ADRA1B: variants seen among roughly 807,000 people sequenced by gnomAD.
The protein encoded by ADRA1B is alpha-1B adrenergic receptor.
Under a neutral mutation model 17.9 loss-of-function variants are expected in ADRA1B, and 17 were observed. The observed-to-expected ratio is 0.95, with a 90% confidence interval of 0.65 to 1.42. The LOEUF (loss-of-function observed/expected upper bound fraction) is 1.42. Among genes scored for constraint, ADRA1B ranks in the 40% most tolerant of loss-of-function variants. The pLI is 0.00. For missense variants in ADRA1B, 681 were observed against 722.1 expected, an observed-to-expected ratio of 0.94 and a Z score of 0.65; for synonymous variants, 366 against 327.6, an observed-to-expected ratio of 1.12 and a Z score of -1.27.
At position 159,916,964 on chromosome 5, in the gene ADRA1B, T is replaced by G. The variant is rs558975941; in HGVS notation, c.59T>G (p.Leu20Trp). Residue 20 changes from leucine (L) to tryptophan (W), a missense_variant, in exon 1 of 2, where the codon TTG (leucine) becomes TGG (tryptophan). Coordinates refer to ENST00000306675, the MANE Select transcript of ADRA1B (RefSeq NM_000679.4). ...TCAGCACCTGCCCACTGGGGAGAGT[T>G]GAAAAATGCCAACTTCACTGGCCCC... Reference protein sequence around the residue: ...NTSAPAHWGELKNANFTGPNQ... With the variant: ...NTSAPAHWGEWKNANFTGPNQ... 8.1e-6 allele frequency: 13 copies of G among 1,613,932 alleles called. No individual in the cohort carries two copies. Among genetic ancestry groups the G allele is most frequent in the Admixed American group, 1.7e-5 (1 of 60,008 alleles).
intron 1 of ADRA1B, among the ~76,000 whole-genome samples, chr5:159,953,025 TG>T (rs1755475908): frequency 6.6e-6 from 1 of 152,174 alleles, no homozygotes; most frequent in Non-Finnish European, 1.5e-5. Flanking sequence ...CCTCAAAACA[TG>T]TGAATATGGA....
At chr5:159,986,234 A>C in the ADRA1B span, among the ~76,000 whole-genome samples, 1 of 152,220 alleles carries the variant, frequency 6.6e-6, no homozygotes. Context: ...AGCTGGGACT[A>C]CAGGTGCATG....
At chr5:159,873,765 T>C (rs1027675872) in intron 1 of ADRA1B, among the ~76,000 whole-genome samples, 2 of 152,184 alleles carry the variant, frequency 1.3e-5, no homozygotes, top group African/African-American at 4.8e-5. Flanking sequence ...CTAGACAGTG[T>C]GCAGGCCTGT....
intron 1 of ADRA1B, among the ~76,000 whole-genome samples, chr5:159,897,485 A>C (rs1053392659): frequency 7.0e-6 from 1 of 143,700 alleles, no homozygotes; most frequent in African/African-American, 2.5e-5. Context: ...GACTCCATCT[A>C]AAAAAAAAAA....
chr5:159,880,590 G>C (rs1374376283), intron 1 of ADRA1B, among the ~76,000 whole-genome samples: 1 of 152,168 alleles, frequency 6.6e-6, no homozygotes, highest in African/African-American at 2.4e-5. Context: ...TCAGCCCCGT[G>C]GTAGGAGAAA....
At chr5:159,915,485 G>A (rs1463762111), upstream of ADRA1B, among the ~76,000 whole-genome samples, 1 of 152,012 alleles carries the variant, frequency 6.6e-6, no homozygotes, top group African/African-American at 2.4e-5. Context: ...TCTCTTCTAA[G>A]TACCATTCAC....
intron 1 of ADRA1B, among the ~76,000 whole-genome samples, chr5:159,882,385 C>G (rs1166850538): frequency 6.6e-6 from 1 of 152,130 alleles, no homozygotes; most frequent in Non-Finnish European, 1.5e-5. Context: ...TCCTGCTGTT[C>G]TTAGCTTTAT....
At chr5:159,926,299 CT>C (rs1164140878) in intron 1 of ADRA1B, among the ~76,000 whole-genome samples, 3 of 152,142 alleles carry the variant, frequency 2.0e-5, no homozygotes, top group African/African-American at 7.2e-5. Flanking sequence ...GGATCCCACC[CT>C]TTTCCCCATC....
In ADRA1B at chr5:159,972,069, C is replaced by T; in HGVS notation, c.1140C>T (p.Arg380=). 2 of 1,303,696 alleles carry T rather than the reference C, an allele frequency of 1.5e-6. No individual in the cohort carries two copies. Among genetic ancestry groups the T allele is most frequent in the Non-Finnish European group, 1.9e-6 (2 of 1,026,280 alleles). 80.8% of individuals were successfully genotyped at this position (1,303,696 alleles called of 1,614,324 possible). ...GCCGCCGACGCCGCCGCCGCCGTCGCCTGGGCGGCTGCGCCTACACCTACC... is the reference window on the plus strand; with the variant it reads ...GCCGCCGACGCCGCCGCCGCCGTCGTCTGGGCGGCTGCGCCTACACCTACC... ...RGRRRRRRRR[R]LGGCAYTYRP... Residue 380 remains arginine (R), a synonymous_variant, in exon 2 of 2, where the codon CGC becomes CGT. Transcript: ENST00000306675.
chr5:159,979,883 TG>T, the ADRA1B span, among the ~76,000 whole-genome samples: 1 of 146,604 alleles, frequency 6.8e-6, no homozygotes, highest in Admixed American at 6.8e-5. Context: ...AAAAAAAACA[TG>T]TGGCCAAGTA....
intron 1 of ADRA1B, among the ~76,000 whole-genome samples, chr5:159,961,501 A>G (rs1755664199): frequency 6.6e-6 from 1 of 152,248 alleles, no homozygotes; most frequent in Admixed American, 6.5e-5. Context: ...GGAATTTCCA[A>G]ATCCAAGGAA....
chr5:159,888,284 G>C lies in ADRA1B; in HGVS notation c.-256+23078G>C, dbSNP rs537774206. On this transcript the variant is annotated intron_variant, in intron 1 of 2. Coordinates refer to the ADRA1B transcript ENST00000641205. ...ATGGGGTGCTGTATTTGGCACCTTA[G>C]AGCTTGGGAGGACAGAGTGTGGGGG... 2.0e-5 allele frequency: 3 copies of C among 152,234 alleles called. No homozygotes were observed. In the East Asian group the frequency reaches 5.8e-4, roughly 29 times the overall value. The allele number at this position is 152,234 out of a possible 1,614,324, so 9.4% of individuals were successfully genotyped here.
intron 1 of ADRA1B, among the ~76,000 whole-genome samples, chr5:159,908,445 G>T (rs77655006): frequency 6.6e-6 from 1 of 152,230 alleles, no homozygotes; most frequent in East Asian, 1.9e-4. Context: ...TGAATGGCTT[G>T]GTGCCATTCT....
chr5:159,918,574 C>G (rs568434262), intron 1 of ADRA1B, among the ~76,000 whole-genome samples: 2 of 152,222 alleles, frequency 1.3e-5, no homozygotes, highest in East Asian at 3.9e-4. Context: ...TATGGAATGC[C>G]CAGAATCAAA....
At chr5:159,980,776 T>G in the ADRA1B span, among the ~76,000 whole-genome samples, 1 of 152,068 alleles carries the variant, frequency 6.6e-6, no homozygotes, top group Non-Finnish European at 1.5e-5. Flanking sequence ...TTATCTAGTG[T>G]GAGGAAACGG....
chr5:159,977,924 A>G (rs182944955), downstream of ADRA1B, among the ~76,000 whole-genome samples: 29 of 150,812 alleles, frequency 1.9e-4, no homozygotes, highest in East Asian at 3.2e-3. Context: ...GGCTTCCTCC[A>G]TCACCTCCTT....
chr5:159,917,240 T>A lies in ADRA1B; in HGVS notation c.335T>A (p.Val112Glu). The change falls in exon 1 of 2, where the codon GTG becomes GAG. Residue 112 changes from valine to glutamate, a missense_variant. Transcript: ENST00000306675. Reference sequence around the variant, plus strand: ...GCCCTAGAGGTGCTCGGCTACTGGGTGCTGGGGCGGATCTTCTGTGACATC... The same window carrying A: ...GCCCTAGAGGTGCTCGGCTACTGGGAGCTGGGGCGGATCTTCTGTGACATC... ...SAALEVLGYW[V>E]LGRIFCDIWA... The A allele has an allele frequency of 5.0e-6, 8 of 1,614,148 alleles. No individual in the cohort carries two copies. The highest frequency in any genetic ancestry group is 6.8e-6 in the Non-Finnish European group (8 of 1,180,032).
chr5:159,883,220 C>T (rs1162745560), intron 1 of ADRA1B, among the ~76,000 whole-genome samples: 2 of 152,120 alleles, frequency 1.3e-5, no homozygotes. Flanking sequence ...TCAAAAAACC[C>T]ACCTCTTTTC....
intron 1 of ADRA1B, 68 bp downstream of exon 1, chr5:159,917,922 C>G (rs1452382447): frequency 1.5e-6 from 2 of 1,363,138 alleles, no homozygotes; most frequent in Non-Finnish European, 2.0e-6. Flanking sequence ...TGAGCTTACT[C>G]TAAAGTTTTT....
Sources: gnomAD v4.1 joint callset for allele counts (sites outside exome capture counted in the v4.1 genomes callset) on GRCh38, gnomAD v4.1.1 for gene constraint, MANE v1.5 for transcripts, NCBI Gene and HGNC (gene_info 2026-07-23, HGNC 2026-07-21) for gene names.